The following PADI3 variants were observed in gnomAD, a reference collection of about 807,000 sequenced individuals.
PADI3 encodes the protein peptidyl arginine deiminase 3.
A neutral mutation model predicts 71.5 loss-of-function variants in PADI3; 53 were observed. The ratio of observed to expected loss-of-function variants is 0.74; its 90% confidence interval spans 0.59 to 0.93. The LOEUF (loss-of-function observed/expected upper bound fraction) is 0.93, where lower values mean the gene tolerates loss of function less well. PADI3 is among the 40% of genes least tolerant of loss of function. PADI3 has a pLI of 0.00. For missense variants in PADI3, 821 were observed against 868.0 expected, an observed-to-expected ratio of 0.95 and a Z score of 0.68; for synonymous variants, 361 against 347.5, an observed-to-expected ratio of 1.04 and a Z score of -0.43.
chr1:17,274,930 T>G, intron 11 of PADI3, 144 bp downstream of exon 11: 3 of 829,470 alleles, frequency 3.6e-6, no homozygotes, highest in Non-Finnish European at 5.5e-6. Flanking sequence ...TGTGCTGGGG[T>G]TGGTGGGTGT....
chr1:17,251,899 G>T (rs1290379238), intron 1 of PADI3, among the ~76,000 whole-genome samples: 1 of 152,202 alleles, frequency 6.6e-6, no homozygotes, highest in African/African-American at 2.4e-5. Context: ...TTGGGAGAAG[G>T]AGTTGAGAAA....
At chr1:17,268,512 TTTTTTTTTTTTTTGAGACAGAG>T (rs2073202085) in intron 6 of PADI3, among the ~76,000 whole-genome samples, 2 of 142,294 alleles carry the variant, frequency 1.4e-5, no homozygotes, top group African/African-American at 2.7e-5. Context: ...TTTTTTTTTT[TTTTTTTTTTTTTTGAGACAGAG>T]TCTCGCTCTG....
chr1:17,282,380 C>G (rs1263405723), intron 15 of PADI3, among the ~76,000 whole-genome samples: 2 of 152,270 alleles, frequency 1.3e-5, no homozygotes, highest in Admixed American at 6.5e-5. Context: ...AGCTTGGCTT[C>G]CTTTGCTTCT....
At chr1:17,277,875 A>G (rs1557514390) in intron 13 of PADI3, 1 of 154,490 alleles carries the variant, frequency 6.5e-6, no homozygotes, top group Non-Finnish European at 1.5e-5. Flanking sequence ...AGAGGCCACA[A>G]TACTCTGGAG....
chr1:17,267,693 G>A, intron 5 of PADI3, 144 bp from the exon 6 acceptor site: 1 of 849,538 alleles, frequency 1.2e-6, no homozygotes, highest in Non-Finnish European at 1.8e-6. Flanking sequence ...GTTTGTTCTT[G>A]ATGGCTTCCA....
In PADI3 at chr1:17,283,018, A is replaced by G. The variant is rs2073420087; in HGVS notation, c.1934A>G (p.His645Arg). Reference protein sequence around the residue: ...TPYHMLHGEVHCGTNVCRKPF... With the variant: ...TPYHMLHGEVRCGTNVCRKPF... The stretch of plus-strand genomic sequence containing the variant: ...TACCACATGCTGCATGGGGAGGTGC[A>G]CTGTGGCACCAATGTGTGCAGAAAG... Residue 645 changes from histidine to arginine, a missense_variant, in exon 16 of 16, where the codon CAC becomes CGC. His to Arg is a conservative substitution (Grantham distance 29). Transcript: ENST00000375460. The G allele has an allele frequency of 6.2e-7, 1 of 1,614,220 alleles. No homozygotes were observed. The highest frequency in any genetic ancestry group is 1.7e-5 in the Admixed American group (1 of 60,024).
At chr1:17,280,613 G>A (rs1290033068) in intron 14 of PADI3, 58 bp from the exon 15 acceptor site, 1 of 1,610,028 alleles carries the variant, frequency 6.2e-7, no homozygotes, top group Non-Finnish European at 8.5e-7. Flanking sequence ...AGGATGCCTT[G>A]GTGCCCCCAA....
At chr1:17,259,552 C>T (rs749231446) in intron 1 of PADI3, 26 bp from the exon 2 acceptor site, 17 of 1,543,704 alleles carry the variant, frequency 1.1e-5, no homozygotes, top group African/African-American at 5.5e-5. Flanking sequence ...CCTTCGGCAC[C>T]GACCATGGCT....
chr1:17,275,146 A>C (rs947857282), intron 11 of PADI3, among the ~76,000 whole-genome samples: 1 of 152,152 alleles, frequency 6.6e-6, no homozygotes, highest in Non-Finnish European at 1.5e-5. Context: ...ATTAATAGTA[A>C]CAGAAGAAGA....
At chr1:17,256,599 T>C (rs1427535518) in intron 1 of PADI3, among the ~76,000 whole-genome samples, 1 of 152,208 alleles carries the variant, frequency 6.6e-6, no homozygotes, top group African/African-American at 2.4e-5. Context: ...GGCGCTGGGC[T>C]GAAACACCCT....
chr1:17,278,456 T>G (rs1194678542), intron 13 of PADI3, among the ~76,000 whole-genome samples: 1 of 152,226 alleles, frequency 6.6e-6, no homozygotes, highest in African/African-American at 2.4e-5. Context: ...CTTGAACTCC[T>G]GAGCTCAAGT....
intron 1 of PADI3, among the ~76,000 whole-genome samples, chr1:17,254,711 T>G (rs2073006865): frequency 6.9e-6 from 1 of 144,092 alleles, no homozygotes; most frequent in Non-Finnish European, 1.5e-5. Context: ...GGGACCAGGC[T>G]CCAGCATTTT....
rs1164504634 is a variant in PADI3, at chr1:17,276,540, C to T, written c.1329C>T (p.Thr443=). 1 of 1,614,084 alleles carries T rather than the reference C, an allele frequency of 6.2e-7. No homozygotes were observed. The highest frequency in any genetic ancestry group is 8.5e-7 in the Non-Finnish European group (1 of 1,180,016). ...CCAGGTCAAGTGGCCGCAGGGTCAC[C>T]CAGGTGGTGCGGGACTTCCTCCATG... The part of the protein sequence containing the change: ...NLPGSSGRRV[T]QVVRDFLHAQ... The change falls in exon 12 of 16, where the codon ACC becomes ACT. Residue 443 remains threonine, a synonymous_variant. Transcript: ENST00000375460.
At chr1:17,270,462 A>G (rs770632133) in intron 7 of PADI3, 51 bp downstream of exon 7, 6 of 1,509,596 alleles carry the variant, frequency 4.0e-6, no homozygotes, top group South Asian at 2.5e-5. Flanking sequence ...CAGCCTGGGC[A>G]ACATGGTGAA....
chr1:17,264,392 G>A (rs2073139548), intron 3 of PADI3, among the ~76,000 whole-genome samples: 1 of 150,996 alleles, frequency 6.6e-6, no homozygotes, highest in South Asian at 2.1e-4. Context: ...TCAAAGAATA[G>A]CTCAGAAAAT....
At chr1:17,259,827 A>G in intron 2 of PADI3, 69 bp downstream of exon 2, 3 of 1,373,300 alleles carry the variant, frequency 2.2e-6, no homozygotes, top group Non-Finnish European at 3.0e-6. Flanking sequence ...AGGAGGGCCC[A>G]ACATTCTCTT....
chr1:17,281,092 C>T (rs1199245587), intron 15 of PADI3, among the ~76,000 whole-genome samples: 1 of 152,264 alleles, frequency 6.6e-6, no homozygotes, highest in Non-Finnish European at 1.5e-5. Flanking sequence ...AAGCACATGG[C>T]ATCAGCTGGG....
At chr1:17,257,031 CAAAAAAAA>C (rs967292996) in intron 1 of PADI3, among the ~76,000 whole-genome samples, 6 of 37,606 alleles carry the variant, frequency 1.6e-4, no homozygotes, top group African/African-American at 4.4e-4. Flanking sequence ...GACTCTGTCT[CAAAAAAAA>C]AAAAAAAAAA....
chr1:17,280,781 C>A lies in PADI3; in HGVS notation c.1746C>A (p.Ala582=). The A allele has an allele frequency of 6.2e-7, 1 of 1,614,104 alleles. No homozygotes were observed. Among genetic ancestry groups the A allele is most frequent in the Non-Finnish European group, 8.5e-7 (1 of 1,179,960 alleles). ...LFKTERKKAT[A]FFPDLVNMLV... is the part of the protein sequence containing the mutation. ...AGACCGAGAGGAAAAAAGCAACGGCCTTCTTCCCTGACTTGGTGAGGGCAC... is the reference window on the plus strand; with the variant it reads ...AGACCGAGAGGAAAAAAGCAACGGCATTCTTCCCTGACTTGGTGAGGGCAC... Residue 582 remains alanine (A), a synonymous_variant, in exon 15 of 16, where the codon GCC becomes GCA. Transcript: ENST00000375460.
Sources: gnomAD v4.1 joint callset for allele counts (sites outside exome capture counted in the v4.1 genomes callset) on GRCh38, gnomAD v4.1.1 for gene constraint, MANE v1.5 for transcripts, NCBI Gene and HGNC (gene_info 2026-07-23, HGNC 2026-07-21) for gene names.